PCDH7: variants seen among roughly 807,000 people sequenced by gnomAD.
PCDH7 encodes protocadherin 7, also known as protocadherin-7.
A neutral mutation model predicts 58.9 loss-of-function variants in PCDH7; 17 were observed. That is an observed-to-expected ratio of 0.29 (90% CI 0.20 to 0.43). The LOEUF (loss-of-function observed/expected upper bound fraction) is 0.43, where lower values mean the gene tolerates loss of function less well. PCDH7 is among the 20% of genes least tolerant of loss of function. The pLI is 1.00. For missense variants in PCDH7, 1,274 were observed against 1,441.0 expected (o/e 0.88, Z 1.88); for synonymous variants, 664 against 616.4 (o/e 1.08, Z -1.14).
At chr4:30,979,170 T>C (rs1306402758) in intron 3 of PCDH7, among the ~76,000 whole-genome samples, 3 of 151,104 alleles carry the variant, frequency 2.0e-5, no homozygotes, top group Non-Finnish European at 4.4e-5. Flanking sequence ...ACGAAAAATA[T>C]AAAAAATCAG....
chr4:31,056,458 GA>G (rs376643176), intron 3 of PCDH7, among the ~76,000 whole-genome samples: 1 of 83,156 alleles, frequency 1.2e-5, no homozygotes, highest in African/African-American at 5.7e-5. Context: ...AAGAAAGAAA[GA>G]AGAAAGAAAG....
At chr4:30,741,210 T>C (rs1264145328) in intron 1 of PCDH7, among the ~76,000 whole-genome samples, 1 of 152,096 alleles carries the variant, frequency 6.6e-6, no homozygotes, top group East Asian at 1.9e-4. Flanking sequence ...GTTTCCTTAG[T>C]CCACTTATGC....
intron 3 of PCDH7, among the ~76,000 whole-genome samples, chr4:30,997,057 C>T (rs77570074): frequency 0.047 from 7,093 of 150,844 alleles, 265 homozygotes; most frequent in East Asian, 0.17. Flanking sequence ...GATTTAAACA[C>T]AAGCTGAATG....
intron 3 of PCDH7, among the ~76,000 whole-genome samples, chr4:31,054,951 A>G (rs1757029720): frequency 1.3e-5 from 2 of 152,080 alleles, no homozygotes; most frequent in African/African-American, 4.8e-5. Flanking sequence ...ATTTCATGTT[A>G]TTTACTAACT....
chr4:30,886,842 A>G (rs1334819528), intron 1 of PCDH7, among the ~76,000 whole-genome samples: 1 of 149,858 alleles, frequency 6.7e-6, no homozygotes, highest in Non-Finnish European at 1.5e-5. Flanking sequence ...ATGAAATTGG[A>G]AATCATCATT....
intron 1 of PCDH7, among the ~76,000 whole-genome samples, chr4:30,833,218 C>G (rs1305568423): frequency 3.3e-5 from 5 of 152,058 alleles, no homozygotes; most frequent in Non-Finnish European, 7.4e-5. Flanking sequence ...TCAAATTTAT[C>G]TTACAATTTT....
At chr4:30,927,559 C>T (rs542936590) in intron 2 of PCDH7, among the ~76,000 whole-genome samples, 28 of 152,004 alleles carry the variant, frequency 1.8e-4, no homozygotes, top group African/African-American at 6.8e-4. Flanking sequence ...GACCTTACCC[C>T]CAACCCTGTG....
At chr4:31,028,512 C>T (rs975726296) in intron 3 of PCDH7, among the ~76,000 whole-genome samples, 5 of 152,088 alleles carry the variant, frequency 3.3e-5, no homozygotes, top group East Asian at 3.9e-4. Flanking sequence ...TAAAAATTCA[C>T]CAGTCATGGT....
At chr4:31,018,368 T>C (rs1753774882) in intron 3 of PCDH7, among the ~76,000 whole-genome samples, 1 of 152,210 alleles carries the variant, frequency 6.6e-6, no homozygotes, top group East Asian at 1.9e-4. Flanking sequence ...ACTACATCTA[T>C]CTAAGACAAC....
chr4:30,825,291 T>C (rs1351009499), intron 1 of PCDH7, among the ~76,000 whole-genome samples: 1 of 152,188 alleles, frequency 6.6e-6, no homozygotes, highest in Non-Finnish European at 1.5e-5. Flanking sequence ...ATATGAACCA[T>C]AAGATTATCA....
At chr4:31,065,209 A>G (rs1757982712) in intron 3 of PCDH7, among the ~76,000 whole-genome samples, 1 of 151,906 alleles carries the variant, frequency 6.6e-6, no homozygotes, top group African/African-American at 2.4e-5. Context: ...TCACCTGCAT[A>G]TTGGCAATAA....
At chr4:31,040,362 G>A (rs1755756639) in intron 3 of PCDH7, among the ~76,000 whole-genome samples, 1 of 152,126 alleles carries the variant, frequency 6.6e-6, no homozygotes, top group African/African-American at 2.4e-5. Flanking sequence ...ATGGAAGCAT[G>A]CTGATGTAAA....
downstream of PCDH7, among the ~76,000 whole-genome samples, chr4:30,736,707 T>G (rs959026819): frequency 6.6e-6 from 1 of 151,890 alleles, no homozygotes. Flanking sequence ...GGCTAATTTT[T>G]TTGAGTTTTT....
At chr4:30,781,293 A>T (rs1722745765) in intron 1 of PCDH7, among the ~76,000 whole-genome samples, 1 of 149,610 alleles carries the variant, frequency 6.7e-6, no homozygotes, top group South Asian at 2.1e-4. Context: ...GGTGCCCACC[A>T]CCACGCCTGG....
At chr4:30,924,645 G>A (rs1578306834) in intron 2 of PCDH7, among the ~76,000 whole-genome samples, 1 of 152,114 alleles carries the variant, frequency 6.6e-6, no homozygotes, top group Non-Finnish European at 1.5e-5. Context: ...CAGTGTGGGA[G>A]ACAGCTGTGG....
At position 30,821,692 on chromosome 4, in the gene PCDH7, T is replaced by A. The variant is rs545952926; in HGVS notation, c.70+97096T>A. Reference sequence around the variant, plus strand: ...GCTTCTTCACAGATTTCCTTAATAATCTTCAGTGATAAATGGTCTGTGTTC... The same window carrying A: ...GCTTCTTCACAGATTTCCTTAATAAACTTCAGTGATAAATGGTCTGTGTTC... On this transcript the variant is annotated intron_variant, in intron 1 of 3. Transcript: ENST00000509759. 2.6e-5 allele frequency among the ~76,000 whole-genome samples: 4 copies of A among 152,264 alleles called. No homozygotes were observed. The South Asian group carries it at 8.3e-4, about 32-fold the overall frequency.
intron 3 of PCDH7, among the ~76,000 whole-genome samples, chr4:31,026,667 T>A (rs542993189): frequency 6.6e-6 from 1 of 152,286 alleles, no homozygotes; most frequent in East Asian, 1.9e-4. Context: ...TCCCACATAA[T>A]TAAAAGTTTC....
intron 3 of PCDH7, among the ~76,000 whole-genome samples, chr4:31,119,719 AC>A (rs1174858060): frequency 6.6e-6 from 1 of 152,144 alleles, no homozygotes; most frequent in Non-Finnish European, 1.5e-5. Context: ...TGGGTTATCC[AC>A]ATGTGCAATG....
intron 1 of PCDH7, among the ~76,000 whole-genome samples, chr4:30,796,199 A>C (rs1724751748): frequency 6.6e-6 from 1 of 152,106 alleles, no homozygotes; most frequent in Admixed American, 6.6e-5. Context: ...GTTTTCTTCA[A>C]ATATTTTACT....
Sources: allele counts gnomAD v4.1 joint callset (sites outside exome capture counted in the v4.1 genomes callset), GRCh38; gene constraint gnomAD v4.1.1; transcripts MANE v1.5; gene names NCBI Gene and HGNC (gene_info 2026-07-23, HGNC 2026-07-21).